The following PEX5L variants were observed in gnomAD, a reference collection of about 807,000 sequenced individuals.
PEX5L encodes PEX5-related protein.
PEX5L carries 30 observed loss-of-function variants against 84.0 expected under a neutral mutation model. That is an observed-to-expected ratio of 0.36 (90% CI 0.27 to 0.48). PEX5L has a LOEUF of 0.48. Ranked by LOEUF, PEX5L falls within the 20% of genes least tolerant of loss-of-function variation. PEX5L has a pLI of 0.99. For missense variants in PEX5L, 533 were observed against 754.6 expected (o/e 0.71, Z 3.44); for synonymous variants, 270 against 283.1 (o/e 0.95, Z 0.46).
chr3:179,861,743 C>A (rs1342409070), intron 7 of PEX5L, among the ~76,000 whole-genome samples: 1 of 152,174 alleles, frequency 6.6e-6, no homozygotes, highest in Non-Finnish European at 1.5e-5. Flanking sequence ...GGTCTTAGAG[C>A]CAGATTTAAT....
chr3:179,943,218 G>A (rs1018905186), intron 2 of PEX5L, among the ~76,000 whole-genome samples: 1 of 152,194 alleles, frequency 6.6e-6, no homozygotes, highest in Non-Finnish European at 1.5e-5. Context: ...TTAGGTTAGC[G>A]CTATCATCAG....
intron 8 of PEX5L, among the ~76,000 whole-genome samples, chr3:179,838,028 T>C (rs1414405802): frequency 1.3e-5 from 2 of 152,198 alleles, no homozygotes; most frequent in Non-Finnish European, 2.9e-5. Context: ...ATCCATCAAA[T>C]ACCTACCTTG....
At chr3:179,822,040 A>C (rs1486091548) in intron 8 of PEX5L, among the ~76,000 whole-genome samples, 1 of 152,226 alleles carries the variant, frequency 6.6e-6, no homozygotes, top group Non-Finnish European at 1.5e-5. Flanking sequence ...GATACTAAAA[A>C]CTTTGGAAAA....
intron 7 of PEX5L, among the ~76,000 whole-genome samples, chr3:179,871,742 A>G (rs1453789566): frequency 6.6e-6 from 1 of 152,190 alleles, no homozygotes; most frequent in African/African-American, 2.4e-5. Flanking sequence ...TTTTCTAGAC[A>G]TCACTTTCCT....
intron 10 of PEX5L, among the ~76,000 whole-genome samples, chr3:179,813,718 G>A (rs1216074822): frequency 1.4e-5 from 2 of 139,014 alleles, no homozygotes; most frequent in African/African-American, 2.8e-5. Context: ...AGCCCAGGCC[G>A]GACTGCGGAT....
chr3:179,959,268 A>G (rs1473299268), intron 2 of PEX5L, among the ~76,000 whole-genome samples: 1 of 152,100 alleles, frequency 6.6e-6, no homozygotes, highest in East Asian at 1.9e-4. Context: ...GCACTGGAAA[A>G]CCTTGTAACT....
intron 1 of PEX5L, among the ~76,000 whole-genome samples, chr3:180,014,617 CAAAAT>C (rs1194526962): frequency 1.3e-5 from 2 of 151,946 alleles, no homozygotes; most frequent in Non-Finnish European, 2.9e-5. Flanking sequence ...TTTGGAAAAA[CAAAAT>C]AAACCACGGA....
intron 8 of PEX5L, among the ~76,000 whole-genome samples, chr3:179,834,206 G>A (rs1249789735): frequency 6.6e-6 from 1 of 152,192 alleles, no homozygotes. Flanking sequence ...GGAGCCAAGG[G>A]AGAGTATTTC....
intron 1 of PEX5L, among the ~76,000 whole-genome samples, chr3:179,995,881 T>G (rs1316181725): frequency 6.6e-6 from 1 of 152,160 alleles, no homozygotes; most frequent in East Asian, 1.9e-4. Flanking sequence ...ACCCTGCAAC[T>G]TGGAATGGGG....
chr3:179,917,086 T>C (rs1244014282), intron 2 of PEX5L, among the ~76,000 whole-genome samples: 3 of 151,650 alleles, frequency 2.0e-5, no homozygotes, highest in Non-Finnish European at 2.9e-5. Flanking sequence ...TTTTTTCTAT[T>C]TTTAGATTTC....
At chr3:179,962,555 C>T (rs1019683656) in intron 2 of PEX5L, among the ~76,000 whole-genome samples, 5 of 152,190 alleles carry the variant, frequency 3.3e-5, no homozygotes, top group African/African-American at 1.2e-4. Flanking sequence ...ATTAAGGTGA[C>T]TAGAAATGGG....
At chr3:179,848,925 G>A (rs1392277396) in intron 8 of PEX5L, among the ~76,000 whole-genome samples, 4 of 152,168 alleles carry the variant, frequency 2.6e-5, no homozygotes, top group Admixed American at 2.0e-4. Flanking sequence ...TTTCTTCCCT[G>A]CATAGAATGG....
chr3:179,908,218 T>C (rs1763925318), intron 2 of PEX5L, among the ~76,000 whole-genome samples: 1 of 152,218 alleles, frequency 6.6e-6, no homozygotes, highest in Non-Finnish European at 1.5e-5. Flanking sequence ...TCTCTCACTT[T>C]GTGGAGAAGA....
chr3:179,896,464 A>C (rs766326656), intron 3 of PEX5L, among the ~76,000 whole-genome samples: 1 of 152,166 alleles, frequency 6.6e-6, no homozygotes, highest in Non-Finnish European at 1.5e-5. Flanking sequence ...AATGTCCTGG[A>C]TATGAGAAAA....
chr3:179,877,937 GC>G (rs1486580496), intron 5 of PEX5L, among the ~76,000 whole-genome samples: 2 of 152,136 alleles, frequency 1.3e-5, no homozygotes, highest in Non-Finnish European at 2.9e-5. Context: ...TTGAACAATG[GC>G]TTGGTTCTCT....
chr3:179,994,831 C>G (rs1285457694), intron 1 of PEX5L, among the ~76,000 whole-genome samples: 1 of 152,012 alleles, frequency 6.6e-6, no homozygotes, highest in East Asian at 1.9e-4. Flanking sequence ...ACTGGCTTAG[C>G]CCCTAGCCTA....
intron 1 of PEX5L, among the ~76,000 whole-genome samples, chr3:180,035,858 C>A (rs944297230): frequency 1.3e-5 from 2 of 152,128 alleles, no homozygotes; most frequent in Non-Finnish European, 2.9e-5. Flanking sequence ...TTTATAAGAA[C>A]CAACCAACCG....
chr3:179,807,158 G>T (rs1721630617), intron 14 of PEX5L, among the ~76,000 whole-genome samples: 1 of 152,152 alleles, frequency 6.6e-6, no homozygotes, highest in Non-Finnish European at 1.5e-5. Flanking sequence ...AAGCCCAGTT[G>T]TGTTTTTTCT....
At chr3:180,015,866 C>CATATAAT (rs895544487) in intron 1 of PEX5L, among the ~76,000 whole-genome samples, 1 of 134,316 alleles carries the variant, frequency 7.4e-6, no homozygotes, top group Non-Finnish European at 1.5e-5. Flanking sequence ...TAATATATAA[C>CATATAAT]ATATAATATA....
Sources: gnomAD v4.1 joint callset for allele counts (sites outside exome capture counted in the v4.1 genomes callset) on GRCh38, gnomAD v4.1.1 for gene constraint, MANE v1.5 for transcripts, NCBI Gene and HGNC (gene_info 2026-07-23, HGNC 2026-07-21) for gene names.